GMEB2: variants seen among roughly 807,000 people sequenced by gnomAD.
The protein encoded by GMEB2 is glucocorticoid modulatory element binding protein 2.
A neutral mutation model predicts 45.7 loss-of-function variants in GMEB2; 7 were observed. That is an observed-to-expected ratio of 0.15 (90% CI 0.09 to 0.29). GMEB2 has a LOEUF of 0.29. Among genes scored for constraint, GMEB2 ranks in the 10% least tolerant of loss-of-function variants. The pLI, the probability that GMEB2 is intolerant of heterozygous loss-of-function variation, is 1.00. For synonymous variants in GMEB2, 322 were observed against 323.6 expected (o/e 1.00, Z 0.05); for missense variants, 582 against 739.2 (o/e 0.79, Z 2.47).
At position 63,589,913 on chromosome 20, in the gene GMEB2, C is replaced by T. The variant is rs903695966; in HGVS notation, c.*176G>A. On this transcript the variant is annotated 3_prime_UTR_variant, in exon 10 of 10. Transcript: ENST00000370077. ...GAAGACCGATTTTCCAGGTTGCTCT[C>T]GCTGTTCTGTCCCCTTCTCTCTTCT... 1.5e-5 allele frequency: 7 copies of T among 457,718 alleles called. No individual in the cohort carries two copies. Among genetic ancestry groups the T allele is most frequent in the Admixed American group, 4.0e-5 (1 of 24,810 alleles). 28.4% of individuals were successfully genotyped at this position (457,718 alleles called of 1,614,324 possible). A position where few individuals can be genotyped will look rare whatever the true frequency, so the allele number is the denominator to read the frequency against.
intron 1 of GMEB2, among the ~76,000 whole-genome samples, chr20:63,622,405 C>T (rs1448364909): frequency 3.9e-5 from 6 of 152,190 alleles, no homozygotes; most frequent in Non-Finnish European, 4.4e-5. Context: ...ACTGAACAAT[C>T]GATCACAAAA....
At chr20:63,620,494 G>C (rs2089637240) in intron 1 of GMEB2, among the ~76,000 whole-genome samples, 2 of 152,208 alleles carry the variant, frequency 1.3e-5, no homozygotes, top group Admixed American at 1.3e-4. Flanking sequence ...GGGGAGAAGA[G>C]AGGATGGCAC....
At chr20:63,615,696 A>G (rs1288118618) in intron 2 of GMEB2, among the ~76,000 whole-genome samples, 2 of 152,196 alleles carry the variant, frequency 1.3e-5, no homozygotes, top group South Asian at 4.1e-4. Context: ...GGAAAGACAA[A>G]GATCATTAAC....
intron 5 of GMEB2, among the ~76,000 whole-genome samples, chr20:63,596,142 C>T (rs1381078397): frequency 2.6e-5 from 4 of 152,242 alleles, no homozygotes; most frequent in African/African-American, 9.6e-5. Flanking sequence ...CTGCATCATG[C>T]GTGACTCATT....
intron 4 of GMEB2, among the ~76,000 whole-genome samples, chr20:63,599,352 C>T (rs1413247284): frequency 6.6e-6 from 1 of 152,242 alleles, no homozygotes; most frequent in African/African-American, 2.4e-5. Flanking sequence ...CACGTTTCCC[C>T]GACTCTTCAC....
intron 1 of GMEB2, among the ~76,000 whole-genome samples, chr20:63,622,329 G>C (rs1450290166): frequency 6.6e-6 from 1 of 152,180 alleles, no homozygotes; most frequent in Admixed American, 6.5e-5. Flanking sequence ...CTCACTAAGG[G>C]GAGGCACTCA....
chr20:63,611,388 G>A (rs2089569569), intron 2 of GMEB2, among the ~76,000 whole-genome samples: 1 of 152,226 alleles, frequency 6.6e-6, no homozygotes, highest in African/African-American at 2.4e-5. Flanking sequence ...CAAGGTGGTG[G>A]ATCACTTGAG....
chr20:63,607,195 C>T (rs546794157), intron 2 of GMEB2, among the ~76,000 whole-genome samples: 1 of 135,402 alleles, frequency 7.4e-6, no homozygotes, highest in Admixed American at 7.1e-5. Context: ...AAACATGCCC[C>T]TCTGACCCAC....
intron 1 of GMEB2, among the ~76,000 whole-genome samples, chr20:63,624,273 A>C (rs1350925072): frequency 6.6e-6 from 1 of 151,264 alleles, no homozygotes; most frequent in East Asian, 1.9e-4. Flanking sequence ...AAAAAAAAAA[A>C]AACAAATTGG....
At position 63,619,650 on chromosome 20, in the gene GMEB2, G is replaced by A. The variant is rs532486296; in HGVS notation, c.-57-196C>T. Reference sequence around the variant, plus strand: ...AGGGCGGTGTAAGCGCACTCCACCCGTTTTTCCCACTGGATAAGCCGAAAC... The same window carrying A: ...AGGGCGGTGTAAGCGCACTCCACCCATTTTTCCCACTGGATAAGCCGAAAC... On this transcript the variant is annotated intron_variant, in intron 1 of 9. Coordinates refer to ENST00000370077, the MANE Select transcript of GMEB2 (RefSeq NM_012384.5). The surrounding 1 kb of genome is among the most constrained non-coding windows in gnomAD (Gnocchi z 4.6). 1.2e-5 allele frequency: 4 copies of A among 334,938 alleles called. No homozygotes were observed. The highest frequency in any genetic ancestry group is 4.2e-5 in the South Asian group (1 of 23,784). 20.7% of individuals were successfully genotyped at this position (334,938 alleles called of 1,614,324 possible).
At chr20:63,602,363 C>T (rs190634784) in intron 4 of GMEB2, among the ~76,000 whole-genome samples, 252 of 152,300 alleles carry the variant, frequency 1.7e-3, no homozygotes, top group African/African-American at 5.5e-3. Flanking sequence ...CCACCCAGCA[C>T]GCACACCTCA....
intron 1 of GMEB2, among the ~76,000 whole-genome samples, chr20:63,625,429 T>TC (rs1300658581): frequency 6.6e-6 from 1 of 151,662 alleles, no homozygotes; most frequent in African/African-American, 2.4e-5. Flanking sequence ...CACCTTGACC[T>TC]CCCATAGTGC....
At chr20:63,597,408 C>T (rs1404516425) in intron 5 of GMEB2, among the ~76,000 whole-genome samples, 1 of 152,144 alleles carries the variant, frequency 6.6e-6, no homozygotes, top group African/African-American at 2.4e-5. Flanking sequence ...AAGTGATCCT[C>T]CTGCCTCAGC....
intron 4 of GMEB2, among the ~76,000 whole-genome samples, chr20:63,601,830 T>G: frequency 6.8e-6 from 1 of 148,080 alleles, no homozygotes; most frequent in African/African-American, 2.5e-5. Flanking sequence ...GTGCTGCCTG[T>G]GGCTTCCGTG....
intron 1 of GMEB2, among the ~76,000 whole-genome samples, chr20:63,622,623 G>A (rs1601036924): frequency 1.3e-5 from 2 of 152,088 alleles, no homozygotes; most frequent in South Asian, 2.1e-4. Context: ...TCCTACCTGG[G>A]CATGGGTCTC....
At position 63,589,067 on chromosome 20, in the gene GMEB2, G is replaced by C. The variant is rs1247826870; in HGVS notation, c.*1022C>G. The C allele has an allele frequency of 2.5e-5, 10 of 399,004 alleles. No individual in the cohort carries two copies. Among genetic ancestry groups the C allele is most frequent in the Non-Finnish European group, 4.0e-5 (9 of 226,472 alleles). 24.7% of individuals were successfully genotyped at this position (399,004 alleles called of 1,614,324 possible). On this transcript the variant is annotated 3_prime_UTR_variant, in exon 10 of 10. Coordinates refer to ENST00000370077, the MANE Select transcript of GMEB2 (RefSeq NM_012384.5). Reference sequence around the variant, plus strand: ...GGCTGCATGGGGGCCGGGGGCCAGGGAGCCAAGGGCTGTTCCGTGGCCAAG... The same window carrying C: ...GGCTGCATGGGGGCCGGGGGCCAGGCAGCCAAGGGCTGTTCCGTGGCCAAG...
At chr20:63,591,824 C>T (rs2146043659) in intron 9 of GMEB2, among the ~76,000 whole-genome samples, 198 bp downstream of exon 9, 1 of 152,336 alleles carries the variant, frequency 6.6e-6, no homozygotes, top group Non-Finnish European at 1.5e-5. Context: ...TAAATGTAAG[C>T]TTAGTGCAAT....
intron 2 of GMEB2, among the ~76,000 whole-genome samples, chr20:63,616,002 T>C (rs1338731982): frequency 6.6e-6 from 1 of 152,258 alleles, no homozygotes; most frequent in Non-Finnish European, 1.5e-5. Context: ...TTTTGAATTT[T>C]TGCTTATCAG....
At position 63,592,384 on chromosome 20, in the gene GMEB2, C is replaced by A; in HGVS notation, c.829+149G>T. 1.5e-6 allele frequency: 1 copy of A among 660,028 alleles called. No homozygotes were observed. The highest frequency in any genetic ancestry group is 2.6e-6 in the Non-Finnish European group (1 of 388,560). 40.9% of individuals were successfully genotyped at this position (660,028 alleles called of 1,614,324 possible). On this transcript the variant is annotated intron_variant, in intron 8 of 9. Coordinates refer to ENST00000370077, the MANE Select transcript of GMEB2 (RefSeq NM_012384.5). The surrounding 1 kb of genome is among the most constrained non-coding windows in gnomAD (Gnocchi z 8.2). Reference sequence around the variant, plus strand: ...ATCAAGGCGATCCTCCCACCAAGTTCAGCCTCAGCACAGCAGGAGTCCCAA... The same window carrying A: ...ATCAAGGCGATCCTCCCACCAAGTTAAGCCTCAGCACAGCAGGAGTCCCAA...
Sources: allele counts gnomAD v4.1 joint callset (sites outside exome capture counted in the v4.1 genomes callset), GRCh38; gene constraint gnomAD v4.1.1; non-coding constraint Gnocchi (gnomAD v3.1); transcripts MANE v1.5; gene names NCBI Gene and HGNC (gene_info 2026-07-23, HGNC 2026-07-21).